The following MTSS1 variants were observed in gnomAD, a reference collection of about 807,000 sequenced individuals.
MTSS1 encodes the protein MTSS I-BAR domain containing 1.
MTSS1 carries 18 observed loss-of-function variants against 79.0 expected under a neutral mutation model. The observed-to-expected ratio is 0.23, with a 90% confidence interval of 0.16 to 0.34. The LOEUF (loss-of-function observed/expected upper bound fraction) is 0.34. Among genes scored for constraint, MTSS1 ranks in the 10% least tolerant of loss-of-function variants. The pLI is 1.00. For synonymous variants in MTSS1, 341 were observed against 368.6 expected (o/e 0.93, Z 0.86); for missense variants, 815 against 986.2 (o/e 0.83, Z 2.33).
intron 3 of MTSS1, among the ~76,000 whole-genome samples, chr8:124,635,913 GC>G (rs1270708836): frequency 5.9e-5 from 9 of 151,908 alleles, no homozygotes; most frequent in African/African-American, 9.7e-5. Flanking sequence ...CAAATAAACT[GC>G]CCTGTTACAT....
intron 3 of MTSS1, among the ~76,000 whole-genome samples, chr8:124,694,276 T>A (rs1828441046): frequency 6.6e-6 from 1 of 152,100 alleles, no homozygotes; most frequent in South Asian, 2.1e-4. Context: ...CACTGTGCCA[T>A]CTGCTTGTGT....
chr8:124,623,405 T>G (rs995932725), intron 3 of MTSS1, among the ~76,000 whole-genome samples: 1 of 152,234 alleles, frequency 6.6e-6, no homozygotes, highest in Admixed American at 6.5e-5. Flanking sequence ...GGCTCAATTT[T>G]GTGAATGCCA....
intron 13 of MTSS1, among the ~76,000 whole-genome samples, chr8:124,555,223 T>C (rs1277840796): frequency 6.6e-6 from 1 of 152,140 alleles, no homozygotes; most frequent in Non-Finnish European, 1.5e-5. Context: ...CGCAAAAAGC[T>C]GTGAAAGTCC....
At chr8:124,709,787 C>A (rs59811240) in intron 1 of MTSS1, among the ~76,000 whole-genome samples, 1,916 of 152,280 alleles carry the variant, frequency 0.013, 47 homozygotes, top group African/African-American at 0.043. Flanking sequence ...CCACACACAC[C>A]ACACCCTGTG....
At chr8:124,689,746 C>CAA (rs35782850) in intron 3 of MTSS1, among the ~76,000 whole-genome samples, 18 of 94,282 alleles carry the variant, frequency 1.9e-4, no homozygotes, top group African/African-American at 6.1e-4. Context: ...AACTCCATCT[C>CAA]AAAAAAAAAA....
intron 3 of MTSS1, among the ~76,000 whole-genome samples, chr8:124,606,278 T>C (rs772507924): frequency 3.3e-5 from 5 of 151,070 alleles, no homozygotes; most frequent in Non-Finnish European, 7.4e-5. Flanking sequence ...GTTCAAGCGA[T>C]TCTGGGATTA....
intron 1 of MTSS1, among the ~76,000 whole-genome samples, chr8:124,710,698 C>T (rs1288617602): frequency 2.0e-5 from 3 of 152,140 alleles, no homozygotes; most frequent in Non-Finnish European, 1.5e-5. Flanking sequence ...GTGTGTAGCT[C>T]ATCAGCACGG....
intron 10 of MTSS1, among the ~76,000 whole-genome samples, chr8:124,560,277 T>C (rs966738754): frequency 6.6e-6 from 1 of 152,116 alleles, no homozygotes. Context: ...TCCTGGCACT[T>C]TGGGAGGCCA....
intron 3 of MTSS1, among the ~76,000 whole-genome samples, chr8:124,603,184 C>A (rs1834225768): frequency 6.6e-6 from 1 of 152,218 alleles, no homozygotes; most frequent in African/African-American, 2.4e-5. Flanking sequence ...CGCCACCACT[C>A]CTGGCTAATT....
chr8:124,566,291 C>T (rs1412667979), intron 8 of MTSS1: 1 of 153,860 alleles, frequency 6.5e-6, no homozygotes, highest in Non-Finnish European at 1.4e-5. Flanking sequence ...CAAAGGACCA[C>T]ATGAGTATAA....
intron 3 of MTSS1, among the ~76,000 whole-genome samples, chr8:124,692,931 G>A (rs1234065953): frequency 6.6e-6 from 1 of 152,142 alleles, no homozygotes; most frequent in Non-Finnish European, 1.5e-5. Flanking sequence ...TCCTGTTAGA[G>A]GTGTCTCCAA....
chr8:124,672,845 G>GCA (rs1416489622), intron 3 of MTSS1, among the ~76,000 whole-genome samples: 1 of 150,050 alleles, frequency 6.7e-6, no homozygotes, highest in African/African-American at 2.5e-5. Context: ...ACACATGCAT[G>GCA]CACACACACA....
chr8:124,700,442 G>T (rs897174819), intron 2 of MTSS1, among the ~76,000 whole-genome samples: 2 of 152,154 alleles, frequency 1.3e-5, no homozygotes, highest in Admixed American at 6.5e-5. Flanking sequence ...CCAGCCTCAT[G>T]ACTCACAGGC....
chr8:124,652,817 A>C (rs1225862496), intron 3 of MTSS1, among the ~76,000 whole-genome samples: 1 of 148,420 alleles, frequency 6.7e-6, no homozygotes, highest in Non-Finnish European at 1.5e-5. Context: ...AAAAAAACAC[A>C]GCCATCAAGA....
intron 3 of MTSS1, among the ~76,000 whole-genome samples, chr8:124,692,142 G>T (rs1357659177): frequency 6.7e-6 from 1 of 150,166 alleles, no homozygotes; most frequent in Admixed American, 6.7e-5. Context: ...TGATTGTCAT[G>T]CCTCAGCCTC....
chr8:124,558,605 G>C, intron 10 of MTSS1: 2 of 1,378,206 alleles, frequency 1.5e-6, no homozygotes, highest in Non-Finnish European at 1.9e-6. Context: ...CCCCACTCTT[G>C]GTGTCGATTC....
At chr8:124,556,196 G>A (rs780666652) in intron 12 of MTSS1, 36 bp downstream of exon 12, 1 of 1,613,926 alleles carries the variant, frequency 6.2e-7, no homozygotes, top group Non-Finnish European at 8.5e-7. Context: ...CCAGGCTGAG[G>A]TGGCCCCAAC....
chr8:124,593,682 C>T (rs552446081), intron 3 of MTSS1, among the ~76,000 whole-genome samples: 5 of 152,310 alleles, frequency 3.3e-5, no homozygotes, highest in Admixed American at 1.3e-4. Context: ...ATTTAATCCT[C>T]GCAGCACCTC....
intron 3 of MTSS1, among the ~76,000 whole-genome samples, chr8:124,600,124 C>G (rs1193663466): frequency 1.3e-5 from 2 of 151,842 alleles, no homozygotes; most frequent in African/African-American, 4.8e-5. Context: ...ACCCAAAATG[C>G]ATCATCTGTG....
Sources: allele counts gnomAD v4.1 joint callset (sites outside exome capture counted in the v4.1 genomes callset), GRCh38; gene constraint gnomAD v4.1.1; transcripts MANE v1.5; gene names NCBI Gene and HGNC (gene_info 2026-07-23, HGNC 2026-07-21).